PCDH15: variants seen among roughly 807,000 people sequenced by gnomAD.
PCDH15 encodes protocadherin-15.
A neutral mutation model predicts 178.5 loss-of-function variants in PCDH15; 129 were observed. The ratio of observed to expected loss-of-function variants is 0.72; its 90% CI spans 0.63 to 0.84. PCDH15 has a LOEUF of 0.84. Among genes scored for constraint, PCDH15 ranks in the 40% least tolerant of loss-of-function variants. The pLI is 0.00. For synonymous variants in PCDH15, 800 were observed against 732.0 expected (o/e 1.09, Z -1.50); for missense variants, 2,230 against 2,099.9 (o/e 1.06, Z -1.21).
intron 26 of PCDH15, among the ~76,000 whole-genome samples, chr10:53,871,949 C>T (rs2133224242): frequency 6.6e-6 from 1 of 152,138 alleles, no homozygotes; most frequent in Non-Finnish European, 1.5e-5. Flanking sequence ...AGTTCGAGAC[C>T]AGCCTGACCA....
chr10:54,087,893 T>A (rs552383993), intron 16 of PCDH15, among the ~76,000 whole-genome samples: 36 of 152,132 alleles, frequency 2.4e-4, no homozygotes, highest in Non-Finnish European at 4.7e-4. Flanking sequence ...GTTCAGGAGA[T>A]CTGCCTGTTT....
intron 2 of PCDH15, among the ~76,000 whole-genome samples, chr10:54,589,145 T>C (rs886296172): frequency 1.7e-4 from 26 of 152,138 alleles, no homozygotes; most frequent in African/African-American, 5.8e-4. Context: ...TTGAAGAGTC[T>C]AAAGGAAATT....
At chr10:53,816,784 C>T (rs2076074885) in intron 34 of PCDH15, among the ~76,000 whole-genome samples, 1 of 152,136 alleles carries the variant, frequency 6.6e-6, no homozygotes, top group African/African-American at 2.4e-5. Context: ...TCCATTTCTT[C>T]TTCTTACCAA....
At chr10:54,000,648 G>T (rs1281203038) in intron 20 of PCDH15, among the ~76,000 whole-genome samples, 2 of 151,090 alleles carry the variant, frequency 1.3e-5, no homozygotes, top group African/African-American at 2.4e-5. Context: ...GGAGGCAAGA[G>T]AAAAAAAAGA....
At chr10:54,369,671 T>C (rs1947350290) in intron 4 of PCDH15, among the ~76,000 whole-genome samples, 1 of 152,054 alleles carries the variant, frequency 6.6e-6, no homozygotes, top group South Asian at 2.1e-4. Flanking sequence ...CTTTTATGTT[T>C]ATTTATATTT....
intron 1 of PCDH15, among the ~76,000 whole-genome samples, chr10:54,719,465 A>T (rs1185037175): frequency 2.0e-5 from 3 of 151,978 alleles, no homozygotes; most frequent in Admixed American, 1.3e-4. Flanking sequence ...CAAAACTCCC[A>T]TGGGATTGTC....
chr10:54,332,023 A>G (rs1939709568), intron 6 of PCDH15, among the ~76,000 whole-genome samples: 1 of 151,376 alleles, frequency 6.6e-6, no homozygotes, highest in Non-Finnish European at 1.5e-5. Context: ...TTAGAACTTC[A>G]GCAGCCATTT....
intron 32 of PCDH15, among the ~76,000 whole-genome samples, chr10:53,820,834 C>T (rs2076234081): frequency 1.3e-5 from 2 of 151,948 alleles, no homozygotes; most frequent in African/African-American, 4.8e-5. Context: ...AATCTCTTCC[C>T]AGAGTATACA....
intron 2 of PCDH15, among the ~76,000 whole-genome samples, chr10:54,570,964 C>T (rs1590183913): frequency 6.6e-6 from 1 of 151,912 alleles, no homozygotes; most frequent in African/African-American, 2.4e-5. Flanking sequence ...CTGTGCCCGG[C>T]CTCACTTGCA....
chr10:54,345,491 T>C (rs1943090089), intron 6 of PCDH15, among the ~76,000 whole-genome samples: 1 of 152,036 alleles, frequency 6.6e-6, no homozygotes, highest in Non-Finnish European at 1.5e-5. Flanking sequence ...AGGAGCTGCC[T>C]CAAAGAAAGT....
intron 19 of PCDH15, among the ~76,000 whole-genome samples, chr10:54,020,724 G>GT (rs1055875479): frequency 1.8e-4 from 27 of 151,524 alleles, no homozygotes; most frequent in African/African-American, 6.3e-4. Context: ...TACTGTATCT[G>GT]TTTAACTTGA....
rs1209480735 is a variant in PCDH15, at chr10:53,816,221, G to A, written c.4491+18C>T. ...AGTGAAGGCTCAGTGAGGTTGAAAA[G>A]AAAATGAAAATTGATACCTCTGGTT... On this transcript the variant is annotated intron_variant, in intron 35 of 37. Transcript: ENST00000644397. 1 of 398,618 alleles carries A rather than the reference G, an allele frequency of 2.5e-6. No homozygotes were observed. The highest frequency in any genetic ancestry group is 2.1e-5 in the African/African-American group (1 of 48,618). The allele number at this position is 398,618 out of a possible 1,614,324, so 24.7% of individuals were successfully genotyped here.
chr10:55,010,596 G>T (rs1245735164), intron 2 of PCDH15, among the ~76,000 whole-genome samples: 4 of 152,054 alleles, frequency 2.6e-5, no homozygotes, highest in Non-Finnish European at 4.4e-5. Flanking sequence ...GTGGCAACAG[G>T]TCCAAAGGCC....
At chr10:55,112,890 C>T (rs1257511432) in intron 2 of PCDH15, among the ~76,000 whole-genome samples, 3 of 152,162 alleles carry the variant, frequency 2.0e-5, no homozygotes, top group Admixed American at 6.5e-5. Context: ...ATACCAAACT[C>T]ATGCTGATCT....
intron 6 of PCDH15, among the ~76,000 whole-genome samples, chr10:54,342,642 A>G (rs1942465921): frequency 6.6e-6 from 1 of 152,138 alleles, no homozygotes; most frequent in South Asian, 2.1e-4. Flanking sequence ...CAGATCCTAG[A>G]ATGATAGATC....
At chr10:54,570,996 T>C (rs1296549777) in intron 2 of PCDH15, among the ~76,000 whole-genome samples, 1 of 151,894 alleles carries the variant, frequency 6.6e-6, no homozygotes, top group Admixed American at 6.6e-5. Context: ...GCAGCCCTGA[T>C]GATGAATTCT....
chr10:54,705,119 T>G (rs1411221093), intron 1 of PCDH15, among the ~76,000 whole-genome samples: 1 of 152,022 alleles, frequency 6.6e-6, no homozygotes, highest in African/African-American at 2.4e-5. Flanking sequence ...GAGCTAAACT[T>G]TGAGTACTCA....
At chr10:53,823,774 T>A (rs2076481174) in intron 32 of PCDH15, 1 of 455,044 alleles carries the variant, frequency 2.2e-6, no homozygotes, top group Non-Finnish European at 4.4e-6. Context: ...CATAGAAGAT[T>A]CTTAGCTGTA....
intron 26 of PCDH15, among the ~76,000 whole-genome samples, chr10:53,888,562 ATTTGAT>A (rs1475890415): frequency 8.6e-6 from 1 of 116,348 alleles, no homozygotes; most frequent in Non-Finnish European, 1.8e-5. Context: ...TCGCTTCACA[ATTTGAT>A]TTTGTCTGTT....
Sources: gnomAD v4.1 joint callset for allele counts (sites outside exome capture counted in the v4.1 genomes callset) on GRCh38, gnomAD v4.1.1 for gene constraint, MANE v1.5 for transcripts, NCBI Gene and HGNC (gene_info 2026-07-23, HGNC 2026-07-21) for gene names.